The following THRB variants were observed in gnomAD, a reference collection of about 807,000 sequenced individuals.
THRB encodes nuclear receptor subfamily 1 group A member 2.
A neutral mutation model predicts 47.8 loss-of-function variants in THRB; 12 were observed. The ratio of observed to expected loss-of-function variants is 0.25; its 90% CI spans 0.16 to 0.41. The LOEUF is 0.41. Ranked by LOEUF, THRB falls within the 10% of genes least tolerant of loss-of-function variation. The pLI is 1.00. For missense variants in THRB, 348 were observed against 589.2 expected (o/e 0.59, Z 4.24); for synonymous variants, 218 against 212.2 (o/e 1.03, Z -0.24).
intron 1 of THRB, among the ~76,000 whole-genome samples, chr3:24,465,769 T>A (rs533319453): frequency 1.3e-5 from 2 of 152,316 alleles, no homozygotes; most frequent in South Asian, 4.1e-4. Context: ...ATCAGCACTA[T>A]CTTCAAGTTC....
At chr3:24,224,125 G>A (rs2047420810) in intron 4 of THRB, among the ~76,000 whole-genome samples, 1 of 152,138 alleles carries the variant, frequency 6.6e-6, no homozygotes, top group Admixed American at 6.5e-5. Flanking sequence ...AGTTTTTAAA[G>A]CTGTTCAGTC....
At chr3:24,218,778 G>C (rs2046872017) in intron 4 of THRB, among the ~76,000 whole-genome samples, 1 of 152,120 alleles carries the variant, frequency 6.6e-6, no homozygotes, top group Non-Finnish European at 1.5e-5. Flanking sequence ...TTCCCCAAGT[G>C]AGTTAAACAT....
intron 1 of THRB, among the ~76,000 whole-genome samples, chr3:24,357,817 T>C (rs1208526936): frequency 6.6e-6 from 1 of 152,180 alleles, no homozygotes; most frequent in Non-Finnish European, 1.5e-5. Flanking sequence ...GTGGAATGTA[T>C]GTATTTTAAC....
intron 4 of THRB, among the ~76,000 whole-genome samples, chr3:24,223,421 A>T (rs183639104): frequency 6.6e-6 from 1 of 152,326 alleles, no homozygotes; most frequent in East Asian, 1.9e-4. Flanking sequence ...CTTGACAACA[A>T]AGAAATAAAT....
At chr3:24,129,442 C>A (rs929748565) in intron 9 of THRB, among the ~76,000 whole-genome samples, 65 of 152,350 alleles carry the variant, frequency 4.3e-4, no homozygotes, top group African/African-American at 1.4e-3. Flanking sequence ...GCAGGCCCCA[C>A]TTTTGAAACC....
intron 3 of THRB, among the ~76,000 whole-genome samples, chr3:24,255,356 A>C (rs1259525370): frequency 6.6e-6 from 1 of 152,238 alleles, no homozygotes; most frequent in Non-Finnish European, 1.5e-5. Flanking sequence ...TCACATATAT[A>C]ATACAATATA....
intron 1 of THRB, among the ~76,000 whole-genome samples, chr3:24,490,176 G>A (rs971115337): frequency 9.2e-5 from 14 of 152,186 alleles, no homozygotes; most frequent in African/African-American, 3.4e-4. Context: ...GGCTAGCAGA[G>A]CCAGGTACAT....
intron 2 of THRB, among the ~76,000 whole-genome samples, chr3:24,334,163 C>G (rs747648461): frequency 6.6e-6 from 1 of 152,112 alleles, no homozygotes; most frequent in South Asian, 2.1e-4. Flanking sequence ...GCTTTTTAGA[C>G]GGTCAAAATG....
chr3:24,272,575 T>C (rs844104), intron 3 of THRB, among the ~76,000 whole-genome samples: 1 of 151,884 alleles, frequency 6.6e-6, no homozygotes, highest in Admixed American at 6.6e-5. Context: ...TTACCCTTAT[T>C]TGGGGGTACA....
At chr3:24,350,039 T>C (rs2063271148) in intron 1 of THRB, among the ~76,000 whole-genome samples, 1 of 151,978 alleles carries the variant, frequency 6.6e-6, no homozygotes, top group Non-Finnish European at 1.5e-5. Flanking sequence ...AAGAAAAAGA[T>C]AACCCAGTAT....
intron 1 of THRB, among the ~76,000 whole-genome samples, chr3:24,388,359 A>G (rs1398269679): frequency 6.6e-6 from 1 of 152,242 alleles, no homozygotes; most frequent in African/African-American, 2.4e-5. Flanking sequence ...CCTACCACAG[A>G]CAGCTATCTG....
At chr3:24,243,931 G>C (rs888735655) in intron 3 of THRB, among the ~76,000 whole-genome samples, 3 of 152,044 alleles carry the variant, frequency 2.0e-5, no homozygotes, top group East Asian at 3.9e-4. Context: ...TGACACAAAA[G>C]GAAATAAATT....
intron 4 of THRB, among the ~76,000 whole-genome samples, chr3:24,206,672 T>C (rs917642505): frequency 2.0e-5 from 3 of 152,016 alleles, no homozygotes; most frequent in East Asian, 1.9e-4. Flanking sequence ...CTGAAGGAGA[T>C]AGAGATACAA....
intron 4 of THRB, among the ~76,000 whole-genome samples, chr3:24,201,589 C>T (rs2044605030): frequency 6.6e-6 from 1 of 152,124 alleles, no homozygotes; most frequent in African/African-American, 2.4e-5. Context: ...CATGTGGTTA[C>T]CCAAGTGAAA....
intron 5 of THRB, among the ~76,000 whole-genome samples, chr3:24,189,517 A>T (rs998881440): frequency 5.6e-5 from 8 of 141,964 alleles, no homozygotes; most frequent in Non-Finnish European, 1.3e-4. Context: ...AGGCCAGTTT[A>T]ATGTTTTTTT....
rs1254330796 is a variant in THRB at position 24,120,062 on chromosome 3, T to G, written c.*2822A>C. On this transcript the variant is annotated 3_prime_UTR_variant, in exon 11 of 11. Transcript: ENST00000646209. ...TGGATTTGCAAGTCTGGACAATAGA[T>G]GAAAAAATGTTTAGAAAAATCTAGA... 1 of 152,154 alleles carries G rather than the reference T, an allele frequency of 6.6e-6. No individual in the cohort carries two copies. The highest frequency in any genetic ancestry group is 2.4e-5 in the African/African-American group (1 of 41,436). 9.4% of individuals were successfully genotyped at this position (152,154 alleles called of 1,614,324 possible).
chr3:24,442,120 C>G (rs2071589942), intron 1 of THRB, among the ~76,000 whole-genome samples: 1 of 152,288 alleles, frequency 6.6e-6, no homozygotes, highest in South Asian at 2.1e-4. Flanking sequence ...CCAAACATTA[C>G]AAGTAAAAAG....
At chr3:24,229,389 C>T (rs1466121) in intron 3 of THRB, among the ~76,000 whole-genome samples, 81,440 of 151,964 alleles carry the variant, frequency 0.54, 22,568 homozygotes, top group African/African-American at 0.67. Flanking sequence ...TCGACATTGC[C>T]TGAGAGCTTG....
intron 3 of THRB, among the ~76,000 whole-genome samples, chr3:24,268,961 T>C (rs2052947932): frequency 6.6e-6 from 1 of 152,218 alleles, no homozygotes; most frequent in African/African-American, 2.4e-5. Context: ...TAAATTCCCC[T>C]TCTGGGTAGG....
Sources: gnomAD v4.1 joint callset for allele counts (sites outside exome capture counted in the v4.1 genomes callset) on GRCh38, gnomAD v4.1.1 for gene constraint, MANE v1.5 for transcripts, NCBI Gene and HGNC (gene_info 2026-07-23, HGNC 2026-07-21) for gene names.